PTPRG: variants seen among roughly 807,000 people sequenced by gnomAD.
The protein encoded by PTPRG is receptor-type tyrosine-protein phosphatase gamma.
PTPRG carries 102 observed loss-of-function variants against 165.3 expected under a neutral mutation model. The observed-to-expected ratio is 0.62, with a 90% CI of 0.53 to 0.73. PTPRG has a LOEUF of 0.73. Ranked by LOEUF, PTPRG falls within the 30% of genes least tolerant of loss-of-function variation. The pLI is 0.00. For missense variants in PTPRG, 1,866 were observed against 1,861.4 expected, an observed-to-expected ratio of 1.00 and a Z score of -0.05; for synonymous variants, 675 against 669.5, an observed-to-expected ratio of 1.01 and a Z score of -0.13.
intron 3 of PTPRG, among the ~76,000 whole-genome samples, chr3:62,000,705 T>C (rs745891047): frequency 2.0e-5 from 3 of 152,218 alleles, no homozygotes; most frequent in African/African-American, 7.2e-5. Flanking sequence ...ACACTTGTTA[T>C]TGTGTGAGAA....
intron 4 of PTPRG, among the ~76,000 whole-genome samples, chr3:62,059,998 T>TC (rs1700755537): frequency 6.6e-6 from 1 of 152,002 alleles, no homozygotes. Context: ...AAATTACCAG[T>TC]CTTGGATATG....
intron 5 of PTPRG, among the ~76,000 whole-genome samples, chr3:62,119,395 C>T (rs978745710): frequency 1.3e-5 from 2 of 152,304 alleles, no homozygotes; most frequent in Middle Eastern, 6.8e-3. Flanking sequence ...TGAGAACTTG[C>T]CCTGCAAAGA....
intron 4 of PTPRG, among the ~76,000 whole-genome samples, chr3:62,075,803 A>G (rs1006443976): frequency 3.2e-4 from 49 of 152,278 alleles, no homozygotes; most frequent in African/African-American, 1.1e-3. Context: ...TGTTCAGTCT[A>G]TTACAGAAAA....
At chr3:61,910,165 A>G (rs1038081236) in intron 2 of PTPRG, among the ~76,000 whole-genome samples, 1 of 152,118 alleles carries the variant, frequency 6.6e-6, no homozygotes, top group African/African-American at 2.4e-5. Flanking sequence ...GTACCTCTTC[A>G]TTGCTTTTGA....
chr3:61,806,580 A>T (rs1487576410), intron 2 of PTPRG, among the ~76,000 whole-genome samples: 1 of 133,742 alleles, frequency 7.5e-6, no homozygotes. Flanking sequence ...ATTGCATCTT[A>T]GTGAATATCA....
intron 6 of PTPRG, among the ~76,000 whole-genome samples, chr3:62,151,192 G>C (rs950502707): frequency 2.6e-5 from 4 of 152,184 alleles, no homozygotes; most frequent in African/African-American, 9.6e-5. Context: ...ATGTTGAAAG[G>C]AAACTGCAAG....
Position 62,240,371 on chromosome 3 carries a change from A to G in PTPRG, c.2376-3436A>G, listed in dbSNP as rs78876195. On this transcript the variant is annotated intron_variant, in intron 14 of 29. Transcript: ENST00000474889. This position sits in a 1 kb window ranked among gnomAD's most constrained non-coding sequence, Gnocchi z 5.1. Reference sequence around the variant, plus strand: ...AAATACATACTCCCCCAATACCCAGAAAAAAAAATGGAAAACAGCCCATCT... The same window carrying G: ...AAATACATACTCCCCCAATACCCAGGAAAAAAAATGGAAAACAGCCCATCT... 6.6e-6 allele frequency among the ~76,000 whole-genome samples: 1 copy of G among 151,246 alleles called. No individual in the cohort carries two copies. Among genetic ancestry groups the G allele is most frequent in the African/African-American group, 2.4e-5 (1 of 41,086 alleles).
intron 4 of PTPRG, among the ~76,000 whole-genome samples, chr3:62,036,167 C>T (rs1699930154): frequency 6.6e-6 from 1 of 151,940 alleles, no homozygotes; most frequent in South Asian, 2.1e-4. Flanking sequence ...AAAAATACAG[C>T]ATAGGTTAAG....
intron 2 of PTPRG, among the ~76,000 whole-genome samples, chr3:61,941,901 G>A (rs1448032920): frequency 6.6e-6 from 1 of 151,390 alleles, no homozygotes; most frequent in African/African-American, 2.4e-5. Flanking sequence ...GCTCATGCCT[G>A]TAATCCCAAT....
chr3:62,125,629 A>T (rs897821513), intron 5 of PTPRG, among the ~76,000 whole-genome samples: 2 of 151,848 alleles, frequency 1.3e-5, no homozygotes, highest in Non-Finnish European at 2.9e-5. Context: ...TAGGCAAGTC[A>T]CTGAACCTGA....
intron 6 of PTPRG, among the ~76,000 whole-genome samples, chr3:62,144,294 T>C (rs1292102555): frequency 9.2e-5 from 14 of 152,212 alleles, no homozygotes; most frequent in Non-Finnish European, 1.9e-4. Context: ...GCAATGTAAA[T>C]ACTCACTCAG....
At chr3:61,563,229 A>G (rs569275058) in intron 1 of PTPRG, among the ~76,000 whole-genome samples, 81 of 151,950 alleles carry the variant, frequency 5.3e-4, no homozygotes, top group Non-Finnish European at 1.0e-3. Flanking sequence ...CGCCCTGCCT[A>G]CCTTCATCTT....
At chr3:62,003,175 G>A (rs887698799) in intron 3 of PTPRG, among the ~76,000 whole-genome samples, 174 bp from the exon 4 acceptor site, 4 of 152,098 alleles carry the variant, frequency 2.6e-5, no homozygotes, top group Non-Finnish European at 5.9e-5. Context: ...AGAGCATTCT[G>A]CAGCTAGAAT....
At chr3:61,792,656 C>CT (rs2034911847) in intron 2 of PTPRG, among the ~76,000 whole-genome samples, 1 of 151,358 alleles carries the variant, frequency 6.6e-6, no homozygotes, top group East Asian at 1.9e-4. Flanking sequence ...GAAAACATAA[C>CT]TTTTTTGTGG....
At chr3:61,697,147 C>G (rs943332953) in intron 1 of PTPRG, among the ~76,000 whole-genome samples, 3 of 152,192 alleles carry the variant, frequency 2.0e-5, no homozygotes, top group Non-Finnish European at 4.4e-5. Flanking sequence ...CTTTCTCCTG[C>G]TTTTCTTCAC....
chr3:61,878,961 A>T (rs967304538), intron 2 of PTPRG, among the ~76,000 whole-genome samples: 1 of 152,250 alleles, frequency 6.6e-6, no homozygotes, highest in African/African-American at 2.4e-5. Context: ...GCATACTAGA[A>T]TTCCTTGGTC....
In PTPRG at chr3:62,115,728, G is replaced by A. The variant is rs112301762; in HGVS notation, c.616-16874G>A. ...ATTTTTGTATTTTTTGCAGAGACAA[G>A]GGTTTTCCATTTTGCCCAGGCAGGT... On this transcript the variant is annotated intron_variant, in intron 5 of 29. Coordinates refer to ENST00000474889, the MANE Select transcript of PTPRG (RefSeq NM_002841.4). Among the ~76,000 whole-genome samples the A allele has an allele frequency of 3.0e-3, 449 of 151,772 alleles. 4 individuals are homozygous for A. The highest frequency in any genetic ancestry group is 9.8e-3 in the African/African-American group (407 of 41,360).
rs149641730 is a variant in PTPRG, at chr3:62,106,503, CT to C, written c.616-26082del. On this transcript the variant is annotated intron_variant, in intron 5 of 29. Transcript: ENST00000474889. ...TTGGTCCCCTGCAAACTCTTAAAGGCTTTTTTTTTTTTTTTTTGGCTTGATC... is the reference window on the plus strand; with the variant it reads ...TTGGTCCCCTGCAAACTCTTAAAGGCTTTTTTTTTTTTTTTTGGCTTGATC... Among the ~76,000 whole-genome samples, 665 of 118,098 alleles carry C rather than the reference CT, an allele frequency of 5.6e-3. 4 individuals are homozygous for C. Among genetic ancestry groups the C allele is most frequent in the East Asian group, 0.02 (82 of 4,060 alleles). The allele number at this position is 118,098 out of a possible 152,430, so 77.5% of individuals were successfully genotyped here. A position where few individuals can be genotyped will look rare whatever the true frequency, so the allele number is the denominator to read the frequency against.
intron 3 of PTPRG, among the ~76,000 whole-genome samples, chr3:61,991,930 T>A (rs924125832): frequency 6.6e-6 from 1 of 152,236 alleles, no homozygotes; most frequent in African/African-American, 2.4e-5. Flanking sequence ...TTCCAGAAGC[T>A]GATTATCAAT....
Sources: gnomAD v4.1 joint callset for allele counts (sites outside exome capture counted in the v4.1 genomes callset) on GRCh38, gnomAD v4.1.1 for gene constraint, Gnocchi (gnomAD v3.1) non-coding constraint, MANE v1.5 for transcripts, NCBI Gene and HGNC (gene_info 2026-07-23, HGNC 2026-07-21) for gene names.